SIPA1L2: variants seen among roughly 807,000 people sequenced by gnomAD.
SIPA1L2 encodes signal induced proliferation associated 1 like 2.
Under a neutral mutation model 163.9 loss-of-function variants are expected in SIPA1L2, and 56 were observed. The ratio of observed to expected loss-of-function variants is 0.34; its 90% CI spans 0.28 to 0.43. The LOEUF (loss-of-function observed/expected upper bound fraction) is 0.43, where lower values mean the gene tolerates loss of function less well. Ranked by LOEUF, SIPA1L2 falls within the 20% of genes least tolerant of loss-of-function variation. The pLI is 1.00. For missense variants in SIPA1L2, 1,974 were observed against 2,193.5 expected (o/e 0.90, Z 2.00); for synonymous variants, 877 against 865.7 (o/e 1.01, Z -0.23).
intron 2 of SIPA1L2, among the ~76,000 whole-genome samples, chr1:232,552,278 C>T (rs1658439148): frequency 6.6e-6 from 1 of 152,062 alleles, no homozygotes. Context: ...ACTGCCTTTA[C>T]CTGGCATTAC....
At chr1:232,409,495 C>T (rs1380799148) in intron 19 of SIPA1L2, among the ~76,000 whole-genome samples, 1 of 152,124 alleles carries the variant, frequency 6.6e-6, no homozygotes, top group African/African-American at 2.4e-5. Flanking sequence ...TATGTTGCAC[C>T]CCTGGAATAC....
intron 15 of SIPA1L2, among the ~76,000 whole-genome samples, chr1:232,437,229 CT>C (rs1416641371): frequency 6.6e-6 from 1 of 152,126 alleles, no homozygotes; most frequent in Non-Finnish European, 1.5e-5. Context: ...CCAATGACAT[CT>C]GTCCAAAAAG....
At chr1:232,435,688 C>T (rs1307628918) in intron 15 of SIPA1L2, among the ~76,000 whole-genome samples, 1 of 152,140 alleles carries the variant, frequency 6.6e-6, no homozygotes, top group Non-Finnish European at 1.5e-5. Flanking sequence ...AGCATAAATA[C>T]TGCTTGGTAT....
chr1:232,543,987 T>C lies in SIPA1L2; in HGVS notation c.-269-28379A>G, dbSNP rs375383188. Among the ~76,000 whole-genome samples the C allele has an allele frequency of 3.2e-4, 49 of 152,352 alleles. 2 individuals carry two copies. In the South Asian group the frequency reaches 7.7e-3, roughly 24 times the overall value. On this transcript the variant is annotated intron_variant, in intron 2 of 22. Coordinates refer to ENST00000674635, the MANE Select transcript of SIPA1L2 (RefSeq NM_020808.5). ...GGGGTTGGTGCCCCTAACTCTCACATTGTTCAAGTCAACTGTACTTCAGAA... is the reference window on the plus strand; with the variant it reads ...GGGGTTGGTGCCCCTAACTCTCACACTGTTCAAGTCAACTGTACTTCAGAA...
chr1:232,458,205 CT>C (rs1262774952), intron 10 of SIPA1L2, among the ~76,000 whole-genome samples: 1 of 152,160 alleles, frequency 6.6e-6, no homozygotes, highest in Non-Finnish European at 1.5e-5. Flanking sequence ...ATTAATGAGA[CT>C]CCTAGGAGGC....
chr1:232,438,795 C>T (rs1662714386), intron 15 of SIPA1L2, among the ~76,000 whole-genome samples: 1 of 152,078 alleles, frequency 6.6e-6, no homozygotes, highest in South Asian at 2.1e-4. Context: ...TTCTCCAAAA[C>T]ACGTAGGGAC....
At chr1:232,472,158 G>A (rs1664833505) in intron 7 of SIPA1L2, among the ~76,000 whole-genome samples, 1 of 152,204 alleles carries the variant, frequency 6.6e-6, no homozygotes, top group Non-Finnish European at 1.5e-5. Flanking sequence ...GCTCAGAGCA[G>A]TAACACTTGA....
rs59407464 is a variant in SIPA1L2 at position 232,541,935 on chromosome 1, A to ATCTCTCTCTCTCTCTCTCTC, written c.-269-26347_-269-26328dup. Among the ~76,000 whole-genome samples, 750 of 148,288 alleles carry ATCTCTCTCTCTCTCTCTCTC rather than the reference A, an allele frequency of 5.1e-3. 6 individuals carry two copies. Among genetic ancestry groups the ATCTCTCTCTCTCTCTCTCTC allele is most frequent in the African/African-American group, 0.018 (723 of 39,994 alleles). On this transcript the variant is annotated intron_variant, in intron 2 of 22. Coordinates refer to ENST00000674635, the MANE Select transcript of SIPA1L2 (RefSeq NM_020808.5). The stretch of plus-strand genomic sequence containing the variant: ...TGTTAAATCTTGGGCTGAGCCTTAA[A>ATCTCTCTCTCTCTCTCTCTC]TCTCTCTCTCTCTCTCTCTCTGTAT...
intron 3 of SIPA1L2, among the ~76,000 whole-genome samples, chr1:232,501,048 G>GTTTTTTTTTTTTTTTTTT (rs1421294418): frequency 1.7e-5 from 1 of 58,452 alleles, no homozygotes; most frequent in Non-Finnish European, 3.7e-5. Flanking sequence ...TAGCAATGAA[G>GTTTTTTTTTTTTTTTTTT]TATTTTTTTT....
At position 232,630,069 on chromosome 1, in the gene SIPA1L2, C is replaced by T. The variant is rs1469449147; in HGVS notation, c.-519G>A. Among the ~76,000 whole-genome samples, 12 of 150,310 alleles carry T rather than the reference C, an allele frequency of 8.0e-5. No individual in the cohort carries two copies. The highest frequency in any genetic ancestry group is 2.0e-4 in the East Asian group (1 of 5,064). ...CCTGCGCTCGGGCGGCCGGCGGGGGCGCGGTGCTCCTCCTCCGTCCTCCTC... is the reference window on the plus strand; with the variant it reads ...CCTGCGCTCGGGCGGCCGGCGGGGGTGCGGTGCTCCTCCTCCGTCCTCCTC... On this transcript the variant is annotated 5_prime_UTR_variant, in exon 1 of 23. Coordinates refer to ENST00000674635, the MANE Select transcript of SIPA1L2 (RefSeq NM_020808.5).
intron 1 of SIPA1L2, among the ~76,000 whole-genome samples, chr1:232,615,388 G>T (rs192755965): frequency 1.1e-3 from 171 of 152,338 alleles, no homozygotes; most frequent in African/African-American, 2.8e-3. Context: ...ATTAGAGAAG[G>T]AGAAAATCAC....
chr1:232,446,358 G>A (rs187023632), intron 10 of SIPA1L2, among the ~76,000 whole-genome samples: 10 of 152,294 alleles, frequency 6.6e-5, no homozygotes, highest in South Asian at 6.2e-4. Context: ...CCCAGGGACC[G>A]TAGAAATAAG....
chr1:232,565,457 T>A (rs559605851), intron 2 of SIPA1L2, among the ~76,000 whole-genome samples: 34 of 152,298 alleles, frequency 2.2e-4, no homozygotes, highest in African/African-American at 7.7e-4. Flanking sequence ...CCTGGACAAG[T>A]CCCTTAGGCA....
chr1:232,419,849 AC>A (rs1235841237), intron 18 of SIPA1L2, among the ~76,000 whole-genome samples: 1 of 152,060 alleles, frequency 6.6e-6, no homozygotes, highest in Non-Finnish European at 1.5e-5. Context: ...TTTTATCACT[AC>A]CCCCATCACC....
intron 1 of SIPA1L2, among the ~76,000 whole-genome samples, chr1:232,594,510 G>T (rs750051787): frequency 1.3e-5 from 2 of 152,110 alleles, no homozygotes; most frequent in Non-Finnish European, 2.9e-5. Context: ...GCTCTGTCTG[G>T]AGTAGCTATG....
At chr1:232,402,517 C>T (rs774657790) in intron 21 of SIPA1L2, 44 bp from the exon 22 acceptor site, 33 of 1,564,038 alleles carry the variant, frequency 2.1e-5, no homozygotes, top group East Asian at 6.8e-5. Flanking sequence ...GAGAGTCAAT[C>T]GAGCATTTTT....
chr1:232,443,876 T>C (rs370956099), intron 11 of SIPA1L2, among the ~76,000 whole-genome samples, 191 bp from the exon 12 acceptor site: 1 of 152,168 alleles, frequency 6.6e-6, no homozygotes, highest in African/African-American at 2.4e-5. Context: ...GGGATATCAG[T>C]GGTTTATGAT....
chr1:232,478,963 A>G (rs1311801293), intron 7 of SIPA1L2, among the ~76,000 whole-genome samples: 1 of 152,240 alleles, frequency 6.6e-6, no homozygotes, highest in Admixed American at 6.5e-5. Flanking sequence ...TCAAGCTCAC[A>G]GTAGACAAAG....
chr1:232,495,638 T>C (rs1330904132), intron 3 of SIPA1L2, among the ~76,000 whole-genome samples: 2 of 151,674 alleles, frequency 1.3e-5, no homozygotes, highest in African/African-American at 2.4e-5. Flanking sequence ...AAAAGGAAAC[T>C]AGCCTATTTG....
Sources: gnomAD v4.1 joint callset for allele counts (sites outside exome capture counted in the v4.1 genomes callset) on GRCh38, gnomAD v4.1.1 for gene constraint, MANE v1.5 for transcripts, NCBI Gene and HGNC (gene_info 2026-07-23, HGNC 2026-07-21) for gene names.